MAGI3: variants seen among roughly 807,000 people sequenced by gnomAD.
MAGI3 encodes membrane associated guanylate kinase, WW and PDZ domain containing 3.
Under a neutral mutation model 121.8 loss-of-function variants are expected in MAGI3, and 43 were observed. The observed-to-expected ratio is 0.35, with a 90% CI of 0.28 to 0.46. MAGI3 has a LOEUF of 0.46. MAGI3 is among the 20% of genes least tolerant of loss of function. MAGI3 has a pLI of 1.00. For missense variants in MAGI3, 1,547 were observed against 1,797.3 expected (o/e 0.86, Z 2.52); for synonymous variants, 553 against 639.3 (o/e 0.86, Z 2.04).
chr1:113,572,875 ATG>A (rs1647386705), intron 2 of MAGI3, among the ~76,000 whole-genome samples: 1 of 150,126 alleles, frequency 6.7e-6, no homozygotes, highest in Non-Finnish European at 1.5e-5. Flanking sequence ...AGGGTGTTTC[ATG>A]TCTCTATCAT....
chr1:113,654,685 C>T (rs987390946), intron 15 of MAGI3, among the ~76,000 whole-genome samples: 3 of 152,004 alleles, frequency 2.0e-5, no homozygotes, highest in African/African-American at 7.2e-5. Flanking sequence ...CTGATATATT[C>T]AGGGCTGTTA....
chr1:113,411,568 T>C (rs1327567525), intron 1 of MAGI3, among the ~76,000 whole-genome samples: 2 of 152,152 alleles, frequency 1.3e-5, no homozygotes, highest in East Asian at 1.9e-4. Flanking sequence ...AGAAATGATA[T>C]GTTTTAAGTC....
At chr1:113,682,386 A>G in intron 20 of MAGI3, 1 of 1,479,300 alleles carries the variant, frequency 6.8e-7, no homozygotes, top group South Asian at 1.4e-5. Context: ...ATCTATTTCT[A>G]TCTTCTGCAC....
intron 9 of MAGI3, among the ~76,000 whole-genome samples, chr1:113,628,379 A>G (rs967689059): frequency 6.6e-6 from 1 of 152,046 alleles, no homozygotes; most frequent in African/African-American, 2.4e-5. Flanking sequence ...GTCTTATTGT[A>G]CTTTGTCTTG....
chr1:113,478,751 C>T (rs1237149304), intron 1 of MAGI3, among the ~76,000 whole-genome samples: 1 of 152,200 alleles, frequency 6.6e-6, no homozygotes, highest in Non-Finnish European at 1.5e-5. Flanking sequence ...AGCTCAAATG[C>T]TGTGCTGGGA....
intron 1 of MAGI3, among the ~76,000 whole-genome samples, chr1:113,474,646 A>C (rs1373280538): frequency 6.6e-6 from 1 of 151,348 alleles, no homozygotes; most frequent in African/African-American, 2.4e-5. Flanking sequence ...TACCAGTACC[A>C]TGCTGTTTTG....
chr1:113,533,775 T>G (rs1658835882), intron 1 of MAGI3, among the ~76,000 whole-genome samples: 2 of 144,272 alleles, frequency 1.4e-5, no homozygotes, highest in Non-Finnish European at 3.1e-5. Context: ...TTTAAATATC[T>G]TTTCTTTTTC....
chr1:113,578,013 T>G (rs1385964253), intron 2 of MAGI3, among the ~76,000 whole-genome samples: 1 of 48,572 alleles, frequency 2.1e-5, no homozygotes, highest in African/African-American at 2.5e-4. Context: ...TGATGTTTAT[T>G]TCTCATGATT....
intron 3 of MAGI3, among the ~76,000 whole-genome samples, chr1:113,584,643 C>T (rs537334484): frequency 5.2e-4 from 79 of 152,266 alleles, no homozygotes; most frequent in African/African-American, 1.8e-3. Context: ...TTATGTTACA[C>T]ATTAGAACAA....
intron 1 of MAGI3, among the ~76,000 whole-genome samples, chr1:113,432,157 G>A (rs1653332491): frequency 6.6e-6 from 1 of 152,016 alleles, no homozygotes; most frequent in African/African-American, 2.4e-5. Flanking sequence ...ATAATGAAGT[G>A]GAATCTCTAC....
chr1:113,655,875 G>A (rs1188467251), intron 15 of MAGI3, among the ~76,000 whole-genome samples: 2 of 152,122 alleles, frequency 1.3e-5, no homozygotes, highest in Non-Finnish European at 2.9e-5. Flanking sequence ...GTTAGCTGCT[G>A]TTGCTTGTTG....
At chr1:113,623,392 C>T (rs1042893819) in intron 9 of MAGI3, among the ~76,000 whole-genome samples, 2 of 148,508 alleles carry the variant, frequency 1.3e-5, no homozygotes, top group African/African-American at 5.0e-5. Flanking sequence ...TTATTCATTC[C>T]TTCTAGCTAT....
At chr1:113,550,120 A>T (rs1399133736) in intron 2 of MAGI3, among the ~76,000 whole-genome samples, 1 of 128,642 alleles carries the variant, frequency 7.8e-6, no homozygotes, top group Non-Finnish European at 1.7e-5. Context: ...TGTCTAAAAA[A>T]AAAAAAAAGG....
intron 2 of MAGI3, among the ~76,000 whole-genome samples, chr1:113,572,208 A>G (rs1647334527): frequency 6.6e-6 from 1 of 152,170 alleles, no homozygotes; most frequent in South Asian, 2.1e-4. Context: ...ATTGATTTGC[A>G]TATGTTGAAC....
chr1:113,603,106 A>G (rs1281805917), intron 6 of MAGI3, among the ~76,000 whole-genome samples: 1 of 147,156 alleles, frequency 6.8e-6, no homozygotes, highest in Non-Finnish European at 1.5e-5. Context: ...CCAATTCGAA[A>G]TGAAAATGAA....
chr1:113,657,803 G>C (rs1366379783), intron 15 of MAGI3, among the ~76,000 whole-genome samples: 1 of 152,162 alleles, frequency 6.6e-6, no homozygotes, highest in Non-Finnish European at 1.5e-5. Context: ...AGAATAATAA[G>C]TGCTTGACAT....
chr1:113,644,724 A>C (rs1397628618), intron 11 of MAGI3, among the ~76,000 whole-genome samples: 2 of 152,258 alleles, frequency 1.3e-5, no homozygotes, highest in Non-Finnish European at 2.9e-5. Flanking sequence ...AGAGAATAAG[A>C]ACTTTAAAAA....
chr1:113,550,994 G>T (rs1323548263), intron 2 of MAGI3, among the ~76,000 whole-genome samples: 1 of 149,546 alleles, frequency 6.7e-6, no homozygotes, highest in Non-Finnish European at 1.5e-5. Flanking sequence ...AAAGGAAAGG[G>T]ACTCTCTCTT....
At chr1:113,650,750 T>C (rs1264079263) in intron 13 of MAGI3, among the ~76,000 whole-genome samples, 1 of 152,240 alleles carries the variant, frequency 6.6e-6, no homozygotes, top group East Asian at 1.9e-4. Context: ...TTGTGCTTTT[T>C]GAGTTATCGA....
Sources: gnomAD v4.1 joint callset for allele counts (sites outside exome capture counted in the v4.1 genomes callset) on GRCh38, gnomAD v4.1.1 for gene constraint, MANE v1.5 for transcripts, NCBI Gene and HGNC (gene_info 2026-07-23, HGNC 2026-07-21) for gene names.